KIF16B: variants seen among roughly 807,000 people sequenced by gnomAD.
KIF16B encodes kinesin family member 16B, also known as kinesin-like protein KIF16B.
Under a neutral mutation model 156.3 loss-of-function variants are expected in KIF16B, and 98 were observed. The ratio of observed to expected loss-of-function variants is 0.63; its 90% CI spans 0.53 to 0.74. The LOEUF is 0.74. Among genes scored for constraint, KIF16B ranks in the 30% least tolerant of loss-of-function variants. The pLI is 0.00. For missense variants in KIF16B, 1,421 were observed against 1,606.5 expected (o/e 0.88, Z 1.97); for synonymous variants, 564 against 583.7 (o/e 0.97, Z 0.49).
intron 25 of KIF16B, among the ~76,000 whole-genome samples, chr20:16,297,555 G>C (rs1428336197): frequency 6.6e-6 from 1 of 152,034 alleles, no homozygotes; most frequent in African/African-American, 2.4e-5. Context: ...AATTAGCTGG[G>C]CGTGGTGGCG....
chr20:16,527,181 G>A (rs6131839), intron 2 of KIF16B, among the ~76,000 whole-genome samples: 15,928 of 152,246 alleles, frequency 0.1, 1,011 homozygotes, highest in East Asian at 0.3. Context: ...GGAAGGGAAA[G>A]AAGCACAGTG....
At chr20:16,422,275 T>C (rs1393941554) in intron 15 of KIF16B, among the ~76,000 whole-genome samples, 1 of 152,132 alleles carries the variant, frequency 6.6e-6, no homozygotes, top group Non-Finnish European at 1.5e-5. Flanking sequence ...AATTTTAAGT[T>C]CTAGACAGTG....
chr20:16,381,269 G>A (rs184075540), intron 18 of KIF16B, among the ~76,000 whole-genome samples: 274 of 148,594 alleles, frequency 1.8e-3, no homozygotes, highest in Middle Eastern at 0.014. Context: ...AAATACAAAT[G>A]GCCAAACAAT....
rs56823966 is a variant in KIF16B, at chr20:16,456,096, C to CCAATACAATACAATACAATACAATA, written c.1303-26139_1303-26115dup. ...AATAAAAGGAATTCTTCTACTGGAG[C>CCAATACAATACAATACAATACAATA]CAATACAATACAATACAATACAATA... On this transcript the variant is annotated intron_variant, in intron 12 of 25. Transcript: ENST00000354981. Among the ~76,000 whole-genome samples, 61 of 143,408 alleles carry CCAATACAATACAATACAATACAATA rather than the reference C, an allele frequency of 4.3e-4. 1 individual carries two copies. The highest frequency in any genetic ancestry group is 2.1e-3 in the East Asian group (10 of 4,822). 94.1% of individuals were successfully genotyped at this position (143,408 alleles called of 152,430 possible). A position where few individuals can be genotyped will look rare whatever the true frequency, so the allele number is the denominator to read the frequency against.
intron 17 of KIF16B, among the ~76,000 whole-genome samples, chr20:16,403,597 G>C (rs2065709343): frequency 6.6e-6 from 1 of 152,210 alleles, no homozygotes; most frequent in Non-Finnish European, 1.5e-5. Flanking sequence ...GAAAGCGGGG[G>C]TGGGGGCGCC....
intron 22 of KIF16B, chr20:16,367,642 A>T (rs775495117): frequency 3.1e-6 from 5 of 1,612,608 alleles, no homozygotes; most frequent in Non-Finnish European, 4.2e-6. Flanking sequence ...AAGAAAGTAA[A>T]TCATGTCAAC....
chr20:16,464,902 C>T (rs1289699470), intron 12 of KIF16B, among the ~76,000 whole-genome samples: 2 of 152,026 alleles, frequency 1.3e-5, no homozygotes, highest in Non-Finnish European at 2.9e-5. Flanking sequence ...CCTGTCCAAG[C>T]TGAATATTTA....
chr20:16,420,223 CAG>C lies in KIF16B; in HGVS notation c.1612+6879_1612+6880del, dbSNP rs145069198. 4.6e-3 allele frequency among the ~76,000 whole-genome samples: 693 copies of C among 152,256 alleles called. 4 individuals are homozygous for C. Among genetic ancestry groups the C allele is most frequent in the East Asian group, 0.02 (105 of 5,170 alleles). Reference sequence around the variant, plus strand: ...CTTTTCTTTTGAGTGAAGACACTAACAGATGAAAATATTTCCTATGGTTTAAG... The same window carrying C: ...CTTTTCTTTTGAGTGAAGACACTAACATGAAAATATTTCCTATGGTTTAAG... On this transcript the variant is annotated intron_variant, in intron 15 of 25. Transcript: ENST00000354981.
chr20:16,466,694 T>G (rs1262812066), intron 12 of KIF16B, among the ~76,000 whole-genome samples: 3 of 152,142 alleles, frequency 2.0e-5, no homozygotes, highest in African/African-American at 7.2e-5. Context: ...CAGTCTTGAG[T>G]ATATCTTTAT....
intron 25 of KIF16B, among the ~76,000 whole-genome samples, chr20:16,307,344 A>C (rs2063555620): frequency 6.6e-6 from 1 of 152,242 alleles, no homozygotes; most frequent in African/African-American, 2.4e-5. Context: ...AAAATAAAAC[A>C]GAAAACTCAT....
intron 25 of KIF16B, among the ~76,000 whole-genome samples, chr20:16,277,008 G>A (rs1348065566): frequency 6.6e-6 from 1 of 151,992 alleles, no homozygotes; most frequent in East Asian, 1.9e-4. Context: ...AGCCCTCCTC[G>A]TACTCCCTCC....
At chr20:16,519,274 C>T (rs1349293027) in intron 3 of KIF16B, among the ~76,000 whole-genome samples, 1 of 152,082 alleles carries the variant, frequency 6.6e-6, no homozygotes, top group Non-Finnish European at 1.5e-5. Context: ...CACTGCCATT[C>T]CTTCCTATCT....
At chr20:16,422,281 C>T (rs1188625652) in intron 15 of KIF16B, among the ~76,000 whole-genome samples, 1 of 152,098 alleles carries the variant, frequency 6.6e-6, no homozygotes, top group Non-Finnish European at 1.5e-5. Context: ...AAGTTCTAGA[C>T]AGTGTCCGTG....
chr20:16,468,976 G>C (rs1195108012), intron 12 of KIF16B, among the ~76,000 whole-genome samples: 2 of 152,126 alleles, frequency 1.3e-5, no homozygotes, highest in African/African-American at 2.4e-5. Context: ...AAGGAACATG[G>C]GCACAGTGGT....
rs1366119592 is a variant in KIF16B, at chr20:16,427,225, G to A, written c.1491C>T (p.Asp497=). ...CAAAGATGCAATGCTCACTCTCCAA[G>A]TCAAGGCCATGAAGAACTAAAGTGG... ...TEQDIVLHGL[D]LESEHCIFEN... is the part of the protein sequence containing the mutation. Residue 497 remains aspartate, a synonymous_variant, in exon 15 of 26, where the codon GAC becomes GAT. Coordinates refer to ENST00000354981, the MANE Select transcript of KIF16B (RefSeq NM_024704.5). 4 of 1,611,288 alleles carry A rather than the reference G, an allele frequency of 2.5e-6. No individual in the cohort carries two copies. Among genetic ancestry groups the A allele is most frequent in the Non-Finnish European group, 3.4e-6 (4 of 1,178,750 alleles).
chr20:16,515,584 A>G lies in KIF16B; in HGVS notation c.312T>C (p.Thr104=). 1.2e-6 allele frequency: 2 copies of G among 1,609,622 alleles called. No individual in the cohort carries two copies. Among genetic ancestry groups the G allele is most frequent in the Non-Finnish European group, 1.7e-6 (2 of 1,176,068 alleles). Residue 104 remains threonine (T), a synonymous_variant, in exon 4 of 26, where the codon ACT becomes ACC. Transcript: ENST00000354981. ...YNACVFAYGQ[T]GSGKSYTMMG... is the part of the protein sequence containing the mutation. ...TCATAGTGTATGACTTTCCAGATCCAGTTTGCCCATATGCAAAGACACAAG... is the reference window on the plus strand; with the variant it reads ...TCATAGTGTATGACTTTCCAGATCCGGTTTGCCCATATGCAAAGACACAAG...
At chr20:16,504,337 A>C (rs778882683) in intron 10 of KIF16B, 35 bp downstream of exon 10, 1 of 1,604,924 alleles carries the variant, frequency 6.2e-7, no homozygotes, top group Non-Finnish European at 8.5e-7. Flanking sequence ...CCATTACTCA[A>C]AGAAAATTAT....
At position 16,448,285 on chromosome 20, in the gene KIF16B, T is replaced by C. The variant is rs917878703; in HGVS notation, c.1303-18303A>G. On this transcript the variant is annotated intron_variant, in intron 12 of 25. Coordinates refer to ENST00000354981, the MANE Select transcript of KIF16B (RefSeq NM_024704.5). The stretch of plus-strand genomic sequence containing the variant: ...CAGTGTCCTACAAAGAAGAGAGTTT[T>C]TCATGCTGTGTTTATGCTAAGATAA... Among the ~76,000 whole-genome samples the C allele has an allele frequency of 3.3e-5, 5 of 152,156 alleles. No homozygotes were observed. The East Asian group carries it at 7.7e-4, about 23-fold the overall frequency.
rs541977123 is a variant in KIF16B at position 16,555,200 on chromosome 20, T to C, written c.47+18029A>G. On this transcript the variant is annotated intron_variant, in intron 1 of 25. Transcript: ENST00000354981. ...ACAAGACAAAATTGTAATGTTGCAT[T>C]CATTGTGCTTACTCTGTGCAAGCAC... Among the ~76,000 whole-genome samples the C allele has an allele frequency of 5.9e-5, 9 of 151,528 alleles. No homozygotes were observed. In the South Asian group the frequency reaches 1.7e-3, roughly 28 times the overall value.
Sources: gnomAD v4.1 joint callset for allele counts (sites outside exome capture counted in the v4.1 genomes callset) on GRCh38, gnomAD v4.1.1 for gene constraint, MANE v1.5 for transcripts, NCBI Gene and HGNC (gene_info 2026-07-23, HGNC 2026-07-21) for gene names.